ARHGAP15: variants seen among roughly 807,000 people sequenced by gnomAD.
ARHGAP15 encodes the protein rho GTPase-activating protein 15.
A neutral mutation model predicts 63.7 loss-of-function variants in ARHGAP15; 51 were observed. The observed-to-expected ratio is 0.80, with a 90% CI of 0.64 to 1.01. The LOEUF (loss-of-function observed/expected upper bound fraction) is 1.01, where lower values mean the gene tolerates loss of function less well. Among genes scored for constraint, ARHGAP15 ranks in the 50% least tolerant of loss-of-function variants. The probability of loss-of-function intolerance (pLI) is 0.00; values close to 1 mark genes in which losing one functional copy is unlikely to be tolerated. For synonymous variants in ARHGAP15, 191 were observed against 193.8 expected, an observed-to-expected ratio of 0.99 and a Z score of 0.12; for missense variants, 560 against 564.6, an observed-to-expected ratio of 0.99 and a Z score of 0.08.
chr2:143,542,846 GAT>G (rs565690118), intron 10 of ARHGAP15, among the ~76,000 whole-genome samples: 3 of 114,108 alleles, frequency 2.6e-5, no homozygotes, highest in South Asian at 3.0e-4. Flanking sequence ...TAGTATATAT[GAT>G]ATATATAATA....
At chr2:143,200,198 G>A (rs974242358) in intron 2 of ARHGAP15, among the ~76,000 whole-genome samples, 9 of 152,168 alleles carry the variant, frequency 5.9e-5, no homozygotes, top group African/African-American at 2.2e-4. Flanking sequence ...CAGGGTTTCT[G>A]GCCCTGCTTT....
chr2:143,758,890 G>T (rs2105544308), intron 13 of ARHGAP15, among the ~76,000 whole-genome samples: 1 of 152,268 alleles, frequency 6.6e-6, no homozygotes. Flanking sequence ...TGGAGGTGGA[G>T]CCCAGCAACC....
intron 2 of ARHGAP15, among the ~76,000 whole-genome samples, chr2:143,197,897 C>G (rs1228075506): frequency 1.3e-5 from 2 of 151,774 alleles, no homozygotes; most frequent in Non-Finnish European, 2.9e-5. Flanking sequence ...CTAAATTCTA[C>G]CTTAGAAATA....
intron 11 of ARHGAP15, among the ~76,000 whole-genome samples, chr2:143,577,357 C>A (rs1696716921): frequency 6.6e-6 from 1 of 152,100 alleles, no homozygotes; most frequent in South Asian, 2.1e-4. Flanking sequence ...GAAAACTCAG[C>A]ACCATTAGGG....
intron 2 of ARHGAP15, among the ~76,000 whole-genome samples, chr2:143,170,030 GC>G (rs1311593642): frequency 6.6e-6 from 1 of 151,472 alleles, no homozygotes; most frequent in Non-Finnish European, 1.5e-5. Context: ...CTTTTGTCAG[GC>G]CTGGCTCTGT....
intron 11 of ARHGAP15, among the ~76,000 whole-genome samples, chr2:143,615,447 A>G (rs891419301): frequency 3.3e-5 from 5 of 152,226 alleles, no homozygotes; most frequent in African/African-American, 7.2e-5. Flanking sequence ...ATTATATTAC[A>G]TTCTGGAAAT....
At chr2:143,261,102 A>G (rs1392163185) in intron 6 of ARHGAP15, among the ~76,000 whole-genome samples, 1 of 152,098 alleles carries the variant, frequency 6.6e-6, no homozygotes, top group Non-Finnish European at 1.5e-5. Flanking sequence ...ATAAGTTGCT[A>G]ATGTTTGTTT....
chr2:143,400,010 A>C (rs1433182269), intron 6 of ARHGAP15, among the ~76,000 whole-genome samples: 1 of 152,064 alleles, frequency 6.6e-6, no homozygotes, highest in Non-Finnish European at 1.5e-5. Context: ...ACATCAGCAC[A>C]CACCCAAGTC....
At chr2:143,466,009 T>G (rs1691188469) in intron 8 of ARHGAP15, among the ~76,000 whole-genome samples, 1 of 152,174 alleles carries the variant, frequency 6.6e-6, no homozygotes, top group Non-Finnish European at 1.5e-5. Context: ...AGTGATGGTT[T>G]ACAATGGAGA....
At chr2:143,424,637 A>G (rs1235706993) in intron 6 of ARHGAP15, among the ~76,000 whole-genome samples, 1 of 151,990 alleles carries the variant, frequency 6.6e-6, no homozygotes, top group East Asian at 1.9e-4. Flanking sequence ...CTTCTACTAA[A>G]TCTCATCCAT....
intron 13 of ARHGAP15, among the ~76,000 whole-genome samples, chr2:143,717,194 C>T (rs894561030): frequency 1.6e-4 from 24 of 152,216 alleles, no homozygotes; most frequent in East Asian, 1.3e-3. Flanking sequence ...TGCCCAACCA[C>T]GGAAGATATT....
In ARHGAP15 at chr2:143,151,115, C is replaced by T. The variant is rs1426942374; in HGVS notation, c.-14-4362C>T. Among the ~76,000 whole-genome samples the T allele has an allele frequency of 2.0e-5, 3 of 151,976 alleles. No homozygotes were observed. In the East Asian group the frequency reaches 5.8e-4, roughly 29 times the overall value. ...GAGTTCCTCGTTCTCTTTGAGAGAA[C>T]ACCCTGAAATTAATACAGATATTCC... On this transcript the variant is annotated intron_variant, in intron 1 of 13. Transcript: ENST00000295095.
chr2:143,648,000 C>T (rs1680970252), intron 12 of ARHGAP15, among the ~76,000 whole-genome samples: 1 of 151,890 alleles, frequency 6.6e-6, no homozygotes, highest in Non-Finnish European at 1.5e-5. Context: ...AGTATTAATC[C>T]TCGGAATATT....
In ARHGAP15 at chr2:143,402,641, G is replaced by A. The variant is rs1480932154; in HGVS notation, c.475-32960G>A. Among the ~76,000 whole-genome samples, 4 of 151,710 alleles carry A rather than the reference G, an allele frequency of 2.6e-5. No individual in the cohort carries two copies. The East Asian group carries it at 5.8e-4, about 22-fold the overall frequency. ...GTCCAATCCTTTCTGCTCTGTGTGCGTTTCCCCATGATGCAGATATGAAGA... is the reference window on the plus strand; with the variant it reads ...GTCCAATCCTTTCTGCTCTGTGTGCATTTCCCCATGATGCAGATATGAAGA... On this transcript the variant is annotated intron_variant, in intron 6 of 13. Transcript: ENST00000295095.
chr2:143,157,172 T>C (rs977391492), intron 2 of ARHGAP15, among the ~76,000 whole-genome samples: 1 of 151,924 alleles, frequency 6.6e-6, no homozygotes. Context: ...AGCTACCAAT[T>C]AACACCTACT....
intron 2 of ARHGAP15, among the ~76,000 whole-genome samples, chr2:143,187,325 G>T (rs758641228): frequency 6.6e-6 from 1 of 152,156 alleles, no homozygotes. Context: ...CTTTAACCCC[G>T]ACTATGTTTA....
At chr2:143,456,212 A>G (rs1352903408) in intron 8 of ARHGAP15, among the ~76,000 whole-genome samples, 1 of 152,116 alleles carries the variant, frequency 6.6e-6, no homozygotes, top group Non-Finnish European at 1.5e-5. Context: ...TCTGGAGTAT[A>G]GTAAGTTTTC....
intron 13 of ARHGAP15, among the ~76,000 whole-genome samples, chr2:143,726,837 G>A (rs1253497122): frequency 6.6e-6 from 1 of 151,948 alleles, no homozygotes; most frequent in Non-Finnish European, 1.5e-5. Context: ...TTTTTTTCCT[G>A]CTGCAAGAAA....
chr2:143,142,219 T>C (rs1689398954), intron 1 of ARHGAP15, among the ~76,000 whole-genome samples: 1 of 152,132 alleles, frequency 6.6e-6, no homozygotes, highest in African/African-American at 2.4e-5. Flanking sequence ...TTCCACCTCT[T>C]CTTGAATTTA....
Sources: gnomAD v4.1 joint callset for allele counts (sites outside exome capture counted in the v4.1 genomes callset) on GRCh38, gnomAD v4.1.1 for gene constraint, MANE v1.5 for transcripts, NCBI Gene and HGNC (gene_info 2026-07-23, HGNC 2026-07-21) for gene names.